The following DIAPH1 variants were observed in gnomAD, a reference collection of about 807,000 sequenced individuals.
The protein encoded by DIAPH1 is diaphanous related formin 1.
DIAPH1 carries 46 observed loss-of-function variants against 140.7 expected under a neutral mutation model. The ratio of observed to expected loss-of-function variants is 0.33; its 90% CI spans 0.26 to 0.42. The LOEUF is 0.42. Ranked by LOEUF, DIAPH1 falls within the 10% of genes least tolerant of loss-of-function variation. DIAPH1 has a pLI of 1.00. For synonymous variants in DIAPH1, 565 were observed against 551.6 expected, an observed-to-expected ratio of 1.02 and a Z score of -0.34; for missense variants, 1,310 against 1,558.7, an observed-to-expected ratio of 0.84 and a Z score of 2.69.
intron 1 of DIAPH1, among the ~76,000 whole-genome samples, chr5:141,607,148 T>A (rs1026787528): frequency 3.9e-5 from 6 of 152,156 alleles, no homozygotes; most frequent in African/African-American, 1.4e-4. Flanking sequence ...TATAAACATA[T>A]ATTTTTGCAT....
At chr5:141,538,204 G>A (rs561845411) in intron 18 of DIAPH1, among the ~76,000 whole-genome samples, 3 of 151,236 alleles carry the variant, frequency 2.0e-5, no homozygotes, top group Non-Finnish European at 4.4e-5. Flanking sequence ...GGGATTACAG[G>A]CACCCACCAC....
chr5:141,516,696 G>T lies in DIAPH1; in HGVS notation c.*155C>A. 1.2e-6 allele frequency: 1 copy of T among 820,646 alleles called. No homozygotes were observed. Among genetic ancestry groups the T allele is most frequent in the Non-Finnish European group, 2.0e-6 (1 of 501,620 alleles). 50.8% of individuals were successfully genotyped at this position (820,646 alleles called of 1,614,324 possible). A position where few individuals can be genotyped will look rare whatever the true frequency, so the allele number is the denominator to read the frequency against. The stretch of plus-strand genomic sequence containing the variant: ...CCTCCAGGCAGCTGAAGCTGTATGT[G>T]ATGTTGAGAGAGCAGCAGGCCAGAG... On this transcript the variant is annotated 3_prime_UTR_variant, in exon 28 of 28. Coordinates refer to ENST00000389054, the MANE Select transcript of DIAPH1 (RefSeq NM_005219.5).
chr5:141,578,155 C>T lies in DIAPH1; in HGVS notation c.1163+70G>A, dbSNP rs930309487. 4 of 1,151,178 alleles carry T rather than the reference C, an allele frequency of 3.5e-6. No homozygotes were observed. In the African/African-American group the frequency reaches 4.5e-5, roughly 13 times the overall value. 71.3% of individuals were successfully genotyped at this position (1,151,178 alleles called of 1,614,324 possible). On this transcript the variant is annotated intron_variant, in intron 11 of 27. Coordinates refer to ENST00000389054, the MANE Select transcript of DIAPH1 (RefSeq NM_005219.5). ...TGAGTCATCATCTCCCAAACCATTC[C>T]ACACAGGGATCAGGGAACTAAATAC...
chr5:141,597,096 A>G (rs559527548), intron 1 of DIAPH1, among the ~76,000 whole-genome samples: 1 of 152,342 alleles, frequency 6.6e-6, no homozygotes, highest in African/African-American at 2.4e-5. Flanking sequence ...CAATATCCAA[A>G]TAATAGGAGA....
chr5:141,556,942 G>C (rs2099892694), intron 18 of DIAPH1, among the ~76,000 whole-genome samples: 1 of 152,164 alleles, frequency 6.6e-6, no homozygotes, highest in South Asian at 2.1e-4. Context: ...TGATCCGCCC[G>C]CCTCGGCCTC....
intron 1 of DIAPH1, among the ~76,000 whole-genome samples, chr5:141,616,526 G>A (rs996943929): frequency 5.9e-5 from 9 of 152,182 alleles, no homozygotes; most frequent in African/African-American, 2.2e-4. Context: ...CAGCAATCTC[G>A]CCCACTCCAC....
chr5:141,614,374 A>G (rs2099902315), intron 1 of DIAPH1, among the ~76,000 whole-genome samples: 1 of 152,206 alleles, frequency 6.6e-6, no homozygotes, highest in African/African-American at 2.4e-5. Context: ...CCCTGAGAAT[A>G]GCCTGGCAAT....
At chr5:141,556,914 CA>C (rs2099892685) in intron 18 of DIAPH1, among the ~76,000 whole-genome samples, 1 of 152,202 alleles carries the variant, frequency 6.6e-6, no homozygotes, top group Admixed American at 6.5e-5. Flanking sequence ...AGGCTGGTCT[CA>C]AACTCCCAAC....
At chr5:141,604,620 C>T (rs1004857411) in intron 1 of DIAPH1, among the ~76,000 whole-genome samples, 1 of 152,176 alleles carries the variant, frequency 6.6e-6, no homozygotes, top group Non-Finnish European at 1.5e-5. Flanking sequence ...CAACTGCTAC[C>T]GCTTCTACAT....
At chr5:141,531,590 C>T (rs1250966162) in intron 19 of DIAPH1, among the ~76,000 whole-genome samples, 4 of 152,080 alleles carry the variant, frequency 2.6e-5, no homozygotes, top group African/African-American at 9.7e-5. Flanking sequence ...CGGGTTCAAG[C>T]GATTCTCCTG....
At chr5:141,575,257 T>G in intron 14 of DIAPH1, 111 bp from the exon 15 acceptor site, 1 of 1,047,214 alleles carries the variant, frequency 9.5e-7, no homozygotes, top group Admixed American at 1.9e-5. Flanking sequence ...GGTGCTGGAA[T>G]CCCCCCACTG....
Position 141,540,822 on chromosome 5 carries a change from G to A in DIAPH1, c.2483-6389C>T, listed in dbSNP as rs2099889852. Among the ~76,000 whole-genome samples, 7 of 151,970 alleles carry A rather than the reference G, an allele frequency of 4.6e-5. No individual in the cohort carries two copies. The South Asian group carries it at 1.5e-3, about 32-fold the overall frequency. On this transcript the variant is annotated intron_variant, in intron 18 of 27. Coordinates refer to ENST00000389054, the MANE Select transcript of DIAPH1 (RefSeq NM_005219.5). ...CGCCTATAATCCCAGCACTTTGGGAGGCTGAGGTGGGCAGATCACCTGAGC... is the reference window on the plus strand; with the variant it reads ...CGCCTATAATCCCAGCACTTTGGGAAGCTGAGGTGGGCAGATCACCTGAGC...
chr5:141,553,513 C>T (rs1459701372), intron 18 of DIAPH1, among the ~76,000 whole-genome samples: 3 of 151,462 alleles, frequency 2.0e-5, no homozygotes, highest in African/African-American at 4.8e-5. Flanking sequence ...TGGTGGTGGG[C>T]GCCTATGTAA....
Position 141,618,979 on chromosome 5 carries a change from G to T in DIAPH1, c.-65C>A. The T allele has an allele frequency of 1.1e-6, 1 of 893,138 alleles. No individual in the cohort carries two copies. The highest frequency in any genetic ancestry group is 3.5e-5 in the East Asian group (1 of 28,502). 55.3% of individuals were successfully genotyped at this position (893,138 alleles called of 1,614,324 possible). The stretch of plus-strand genomic sequence containing the variant: ...GCTCCCGCCTGGCAGCTCCGCGCCC[G>T]CCGCCGCCCAGTCGCTCTTTAGCCA... On this transcript the variant is annotated 5_prime_UTR_variant, in exon 1 of 28. Transcript: ENST00000389054.
In DIAPH1 at chr5:141,618,989, A is replaced by T; in HGVS notation, c.-75T>A. On this transcript the variant is annotated 5_prime_UTR_variant, in exon 1 of 28. Coordinates refer to ENST00000389054, the MANE Select transcript of DIAPH1 (RefSeq NM_005219.5). ...GGCAGCTCCGCGCCCGCCGCCGCCC[A>T]GTCGCTCTTTAGCCAGCCGCCGCGC... 1.2e-6 allele frequency: 1 copy of T among 811,730 alleles called. No individual in the cohort carries two copies. The highest frequency in any genetic ancestry group is 1.7e-6 in the Non-Finnish European group (1 of 572,466). The allele number at this position is 811,730 out of a possible 1,614,324, so 50.3% of individuals were successfully genotyped here.
Position 141,618,652 on chromosome 5 carries a change from G to C in DIAPH1, c.117+146C>G, listed in dbSNP as rs967818346. On this transcript the variant is annotated intron_variant, in intron 1 of 27. Coordinates refer to ENST00000389054, the MANE Select transcript of DIAPH1 (RefSeq NM_005219.5). ...GAGGTCCCGAAGGGAGAGGATGTCG[G>C]GCTGCAGAGCTGCGGACCGAGCGAA... The C allele has an allele frequency of 1.3e-4, 72 of 558,378 alleles. 1 individual carries two copies. In the East Asian group the frequency reaches 2.5e-3, roughly 20 times the overall value. The allele number at this position is 558,378 out of a possible 1,614,324, so 34.6% of individuals were successfully genotyped here.
At chr5:141,547,084 T>C (rs1056874335) in intron 18 of DIAPH1, among the ~76,000 whole-genome samples, 2 of 152,208 alleles carry the variant, frequency 1.3e-5, no homozygotes, top group South Asian at 2.1e-4. Context: ...AAAAGGACTT[T>C]AAAATCACTC....
chr5:141,561,382 T>C (rs1490041223), intron 18 of DIAPH1, among the ~76,000 whole-genome samples: 5 of 151,490 alleles, frequency 3.3e-5, no homozygotes, highest in Non-Finnish European at 5.9e-5. Context: ...TTTTTTTACA[T>C]TGGAGTCTGT....
chr5:141,584,269 T>C (rs1184220672), intron 3 of DIAPH1, 44 bp from the exon 4 acceptor site: 1 of 1,158,480 alleles, frequency 8.6e-7, no homozygotes, highest in Non-Finnish European at 1.3e-6. Flanking sequence ...TTGCCTCAAA[T>C]TCTTTACAAA....
Sources: allele counts gnomAD v4.1 joint callset (sites outside exome capture counted in the v4.1 genomes callset), GRCh38; gene constraint gnomAD v4.1.1; transcripts MANE v1.5; gene names NCBI Gene and HGNC (gene_info 2026-07-23, HGNC 2026-07-21).